Variants in SSU72 observed in about 807,000 individuals in gnomAD.
SSU72 encodes RNA polymerase II subunit A C-terminal domain phosphatase SSU72.
SSU72 carries 12 observed loss-of-function variants against 22.7 expected under a neutral mutation model. That is an observed-to-expected ratio of 0.53 (90% confidence interval 0.34 to 0.86). SSU72 has a LOEUF of 0.86. Among genes scored for constraint, SSU72 ranks in the 40% least tolerant of loss-of-function variants. The pLI, the probability that SSU72 is intolerant of heterozygous loss-of-function variation, is 0.02. For synonymous variants in SSU72, 116 were observed against 98.3 expected (o/e 1.18, Z -1.06); for missense variants, 151 against 249.8 (o/e 0.60, Z 2.67).
rs1485015098 is a variant in SSU72 at position 1,543,897 on chromosome 1, G to A, written c.455C>T (p.Ala152Val). 1 of 1,613,676 alleles carries A rather than the reference G, an allele frequency of 6.2e-7. No individual in the cohort carries two copies. The highest frequency in any genetic ancestry group is 8.5e-7 in the Non-Finnish European group (1 of 1,179,848). ...QDNHEEATLGAFLICELCQCI... is the reference protein window; with the variant it reads ...QDNHEEATLGVFLICELCQCI... Reference sequence around the variant, plus strand: ...CTGGCAGAGCTCACAGATGAGAAACGCCCCCAGGGTGGCCTCCTCGTGGTT... The same window carrying A: ...CTGGCAGAGCTCACAGATGAGAAACACCCCCAGGGTGGCCTCCTCGTGGTT... Residue 152 changes from alanine to valine, a missense_variant, in exon 4 of 5, where the codon GCG becomes GTG. Physicochemically the swap from Ala to Val is moderately conservative, Grantham distance 64 (BLOSUM62 0). Transcript: ENST00000291386.
chr1:1,571,244 C>CAAA (rs753699933), intron 1 of SSU72, among the ~76,000 whole-genome samples: 6 of 46,896 alleles, frequency 1.3e-4, no homozygotes, highest in Non-Finnish European at 2.7e-4. Context: ...GACTCCATCT[C>CAAA]AAAAAAAAAA....
intron 1 of SSU72, among the ~76,000 whole-genome samples, chr1:1,571,174 G>A (rs1250848100): frequency 6.8e-6 from 1 of 147,662 alleles, no homozygotes; most frequent in Non-Finnish European, 1.5e-5. Context: ...GAACCCGGGA[G>A]GCGGAGGTTG....
chr1:1,566,319 A>G (rs1642660834), intron 1 of SSU72, among the ~76,000 whole-genome samples: 1 of 152,234 alleles, frequency 6.6e-6, no homozygotes. Context: ...TTGTAAAGTC[A>G]CAACTGATAC....
intron 4 of SSU72, among the ~76,000 whole-genome samples, chr1:1,543,432 G>A (rs2100702890): frequency 6.6e-6 from 1 of 152,356 alleles, no homozygotes; most frequent in East Asian, 1.9e-4. Flanking sequence ...CTGTGTTGGG[G>A]AGGTCCCTGT....
At chr1:1,564,447 T>C in intron 2 of SSU72, 1 of 1,463,212 alleles carries the variant, frequency 6.8e-7, no homozygotes, top group Non-Finnish European at 9.0e-7. Context: ...AGCCCTGCAG[T>C]GTGAAAAGCA....
At chr1:1,544,389 G>A (rs546060431) in intron 3 of SSU72, among the ~76,000 whole-genome samples, 108 of 152,132 alleles carry the variant, frequency 7.1e-4, no homozygotes, top group African/African-American at 2.4e-3. Flanking sequence ...AGGCTGAGGC[G>A]GGCGGATCAC....
intron 2 of SSU72, among the ~76,000 whole-genome samples, chr1:1,549,039 G>C (rs1306897075): frequency 6.6e-6 from 1 of 152,234 alleles, no homozygotes; most frequent in South Asian, 2.1e-4. Flanking sequence ...TCGGGAGGCC[G>C]AGGCAGGAGG....
intron 1 of SSU72, among the ~76,000 whole-genome samples, chr1:1,572,130 G>T (rs1205317071): frequency 6.7e-6 from 1 of 148,920 alleles, no homozygotes; most frequent in Non-Finnish European, 1.5e-5. Context: ...CTTTTGTTAA[G>T]ATTTCTACTC....
chr1:1,570,734 G>A (rs149113254), intron 1 of SSU72, among the ~76,000 whole-genome samples: 369 of 152,338 alleles, frequency 2.4e-3, no homozygotes, highest in African/African-American at 8.4e-3. Context: ...GCTTATCCCC[G>A]ATGCATGCGT....
chr1:1,552,629 C>G (rs2100710053), intron 2 of SSU72, among the ~76,000 whole-genome samples: 1 of 152,338 alleles, frequency 6.6e-6, no homozygotes, highest in South Asian at 2.1e-4. Flanking sequence ...TTCCTGAACA[C>G]TTTCAGTCAG....
chr1:1,570,919 G>A (rs1375036999), intron 1 of SSU72, among the ~76,000 whole-genome samples: 1 of 151,920 alleles, frequency 6.6e-6, no homozygotes, highest in Non-Finnish European at 1.5e-5. Context: ...AGACCACCCT[G>A]GCCAACACAG....
At chr1:1,549,513 T>C (rs1642430669) in intron 2 of SSU72, among the ~76,000 whole-genome samples, 1 of 142,992 alleles carries the variant, frequency 7.0e-6, no homozygotes. Flanking sequence ...AGCGAGACTC[T>C]GTCTCAAAAA....
chr1:1,556,862 C>G (rs1481291782), intron 2 of SSU72, among the ~76,000 whole-genome samples: 1 of 152,250 alleles, frequency 6.6e-6, no homozygotes, highest in African/African-American at 2.4e-5. Flanking sequence ...ACAGTCAGCA[C>G]AGCTGCATTC....
At position 1,574,680 on chromosome 1, in the gene SSU72, G is replaced by T. The variant is rs1642789740; in HGVS notation, c.-123C>A. On this transcript the variant is annotated 5_prime_UTR_variant, in exon 1 of 5. Coordinates refer to ENST00000291386, the MANE Select transcript of SSU72 (RefSeq NM_014188.3). ...GGCGACGCGAAACGACGGCGCCGGC[G>T]GTGTAGCGTGCGGCGACTGCGCGGC... 1.3e-5 allele frequency: 13 copies of T among 1,024,524 alleles called. No homozygotes were observed. The South Asian group carries it at 1.3e-4, about 10-fold the overall frequency. 63.5% of individuals were successfully genotyped at this position (1,024,524 alleles called of 1,614,324 possible).
chr1:1,543,563 C>G (rs1051353790), intron 4 of SSU72, among the ~76,000 whole-genome samples: 9 of 152,080 alleles, frequency 5.9e-5, no homozygotes, highest in African/African-American at 2.2e-4. Flanking sequence ...AGACCTTGCC[C>G]CAAGCAGCAG....
At position 1,574,532 on chromosome 1, in the gene SSU72, G is replaced by A; in HGVS notation, c.26C>T (p.Ala9Val). The change falls in exon 1 of 5, where the codon GCG (alanine) becomes GTG (valine). Residue 9 changes from alanine to valine, a missense_variant. Physicochemically the swap from Ala to Val is moderately conservative, Grantham distance 64 (BLOSUM62 0). Transcript: ENST00000291386. MPSSPLRV[A>V]VVCSSNQNRS... is the part of the protein sequence containing the mutation. ...GTTCTGGTTGCTCGAGCACACCACC[G>A]CCACCCGCAGCGGGGACGACGGCAT... 2 of 1,589,464 alleles carry A rather than the reference G, an allele frequency of 1.3e-6. No individual in the cohort carries two copies. The highest frequency in any genetic ancestry group is 1.4e-5 in the African/African-American group (1 of 71,722).
chr1:1,544,040 G>T, intron 3 of SSU72, 53 bp from the exon 4 acceptor site: 2 of 1,424,518 alleles, frequency 1.4e-6, no homozygotes, highest in Non-Finnish European at 2.0e-6. Context: ...CAGGGAACAG[G>T]CAGTCAATGT....
At chr1:1,573,429 C>CAAAAAAAA (rs56930035) in intron 1 of SSU72, among the ~76,000 whole-genome samples, 5 of 107,450 alleles carry the variant, frequency 4.7e-5, no homozygotes, top group Non-Finnish European at 1.0e-4. Flanking sequence ...GACTCTGTCT[C>CAAAAAAAA]AAAAAAAAAA....
At chr1:1,553,395 G>A (rs938770229) in intron 2 of SSU72, among the ~76,000 whole-genome samples, 3 of 152,128 alleles carry the variant, frequency 2.0e-5, no homozygotes, top group African/African-American at 7.2e-5. Context: ...AACCTTTTAA[G>A]GCTGAGGCAG....
Sources: gnomAD v4.1 joint callset for allele counts (sites outside exome capture counted in the v4.1 genomes callset) on GRCh38, gnomAD v4.1.1 for gene constraint, MANE v1.5 for transcripts, NCBI Gene and HGNC (gene_info 2026-07-23, HGNC 2026-07-21) for gene names.